The following SLC22A2 variants were observed in gnomAD, a reference collection of about 807,000 sequenced individuals.
SLC22A2 encodes the protein organic cation transporter 2.
SLC22A2 carries 46 observed loss-of-function variants against 60.5 expected under a neutral mutation model. The ratio of observed to expected loss-of-function variants is 0.76; its 90% confidence interval spans 0.60 to 0.97. The LOEUF is 0.97. Ranked by LOEUF, SLC22A2 falls within the 50% of genes least tolerant of loss-of-function variation. The probability of loss-of-function intolerance (pLI) is 0.00; values close to 1 mark genes in which losing one functional copy is unlikely to be tolerated. For missense variants in SLC22A2, 701 were observed against 706.6 expected, an observed-to-expected ratio of 0.99 and a Z score of 0.09; for synonymous variants, 303 against 267.0, an observed-to-expected ratio of 1.13 and a Z score of -1.31.
chr6:160,250,187 A>C (rs1460592201), intron 3 of SLC22A2, among the ~76,000 whole-genome samples: 1 of 152,176 alleles, frequency 6.6e-6, no homozygotes, highest in African/African-American at 2.4e-5. Flanking sequence ...AAAGTATTAA[A>C]GTCCTTTATA....
At chr6:160,244,401 A>G (rs1450479422) in intron 6 of SLC22A2, 2 of 152,352 alleles carry the variant, frequency 1.3e-5, no homozygotes, top group Non-Finnish European at 2.9e-5. Context: ...TATTTAGTAA[A>G]ACTATATCAA....
intron 10 of SLC22A2, among the ~76,000 whole-genome samples, chr6:160,219,093 T>TAGC (rs1562428686): frequency 3.0e-4 from 2 of 6,638 alleles, no homozygotes; most frequent in Non-Finnish European, 3.6e-4. Context: ...TCAGCAACAA[T>TAGC]AACAGCAACA....
intron 9 of SLC22A2, among the ~76,000 whole-genome samples, chr6:160,225,500 C>T (rs1782708885): frequency 6.6e-6 from 1 of 152,004 alleles, no homozygotes; most frequent in South Asian, 2.1e-4. Flanking sequence ...ATTTTTACAC[C>T]CTCAGAAAAT....
intron 7 of SLC22A2, among the ~76,000 whole-genome samples, 162 bp from the exon 8 acceptor site, chr6:160,242,564 C>G (rs552956200): frequency 6.6e-6 from 1 of 152,186 alleles, no homozygotes; most frequent in South Asian, 2.1e-4. Context: ...CAGATTCTCA[C>G]GTTTGTTCAT....
At chr6:160,228,166 C>T (rs561594380) in intron 9 of SLC22A2, among the ~76,000 whole-genome samples, 2 of 152,278 alleles carry the variant, frequency 1.3e-5, no homozygotes, top group East Asian at 3.9e-4. Flanking sequence ...GTGTGAGATC[C>T]AAGAACCCTC....
At chr6:160,218,634 G>A (rs1445387523) in intron 10 of SLC22A2, among the ~76,000 whole-genome samples, 1 of 456 alleles carries the variant, frequency 2.2e-3, no homozygotes, top group Non-Finnish European at 4.8e-3. Flanking sequence ...GTAGCAACAC[G>A]AGCAACAGCA....
At chr6:160,234,605 A>C (rs1241632383) in intron 9 of SLC22A2, among the ~76,000 whole-genome samples, 2 of 152,186 alleles carry the variant, frequency 1.3e-5, no homozygotes, top group African/African-American at 2.4e-5. Context: ...CACATGTTGA[A>C]AAATGTCCTT....
chr6:160,233,706 A>G (rs549996492), intron 9 of SLC22A2, among the ~76,000 whole-genome samples: 1 of 151,884 alleles, frequency 6.6e-6, no homozygotes, highest in African/African-American at 2.4e-5. Flanking sequence ...CAATCATTCT[A>G]TATGACAAAT....
chr6:160,226,220 C>T (rs1583390545), intron 9 of SLC22A2, among the ~76,000 whole-genome samples: 1 of 152,150 alleles, frequency 6.6e-6, no homozygotes, highest in African/African-American at 2.4e-5. Context: ...GCTTTGACTC[C>T]CTATGATTTC....
At chr6:160,228,226 C>T (rs1054193672) in intron 9 of SLC22A2, among the ~76,000 whole-genome samples, 7 of 152,084 alleles carry the variant, frequency 4.6e-5, no homozygotes, top group Non-Finnish European at 7.4e-5. Context: ...TCTGGTGAAC[C>T]CTGAAGGGAG....
At chr6:160,235,981 G>A (rs1281067581) in intron 9 of SLC22A2, among the ~76,000 whole-genome samples, 1 of 152,128 alleles carries the variant, frequency 6.6e-6, no homozygotes, top group African/African-American at 2.4e-5. Flanking sequence ...AGGACTTAGT[G>A]TACATTATCA....
At chr6:160,249,677 A>G (rs1783153033) in intron 3 of SLC22A2, among the ~76,000 whole-genome samples, 1 of 152,252 alleles carries the variant, frequency 6.6e-6, no homozygotes, top group African/African-American at 2.4e-5. Flanking sequence ...AGATACATGC[A>G]AGATTTTGAC....
chr6:160,231,173 T>C (rs1315657290), intron 9 of SLC22A2, among the ~76,000 whole-genome samples: 1 of 151,800 alleles, frequency 6.6e-6, no homozygotes, highest in Non-Finnish European at 1.5e-5. Context: ...CCCTTAAAAT[T>C]CCCCCACTCT....
chr6:160,255,432 T>C (rs986854760), intron 2 of SLC22A2, among the ~76,000 whole-genome samples: 9 of 152,214 alleles, frequency 5.9e-5, no homozygotes, highest in Non-Finnish European at 1.3e-4. Flanking sequence ...GAGAAAATGT[T>C]CTACTTGCAT....
At chr6:160,234,690 T>C (rs1199981382) in intron 9 of SLC22A2, among the ~76,000 whole-genome samples, 2 of 152,148 alleles carry the variant, frequency 1.3e-5, no homozygotes, top group East Asian at 3.9e-4. Flanking sequence ...AATTTGGGGG[T>C]TCATGTCATA....
chr6:160,248,988 C>A (rs758830537), intron 4 of SLC22A2, among the ~76,000 whole-genome samples: 1 of 152,134 alleles, frequency 6.6e-6, no homozygotes, highest in Admixed American at 6.5e-5. Context: ...ATGTAAGATC[C>A]AAGTCATAAA....
chr6:160,231,655 G>A (rs1782825968), intron 9 of SLC22A2, among the ~76,000 whole-genome samples: 1 of 151,694 alleles, frequency 6.6e-6, no homozygotes, highest in Non-Finnish European at 1.5e-5. Flanking sequence ...CAACCAAATT[G>A]TTTTGCCTAT....
intron 9 of SLC22A2, among the ~76,000 whole-genome samples, chr6:160,226,299 G>C (rs1050571871): frequency 1.3e-5 from 2 of 152,070 alleles, no homozygotes; most frequent in Non-Finnish European, 2.9e-5. Flanking sequence ...TAAAAACTTT[G>C]CTCCCCAAAT....
At chr6:160,234,303 C>T (rs970464558) in intron 9 of SLC22A2, among the ~76,000 whole-genome samples, 1 of 152,222 alleles carries the variant, frequency 6.6e-6, no homozygotes, top group Non-Finnish European at 1.5e-5. Flanking sequence ...TTGGTGGGCT[C>T]TTCACACGGA....
Sources: gnomAD v4.1 joint callset for allele counts (sites outside exome capture counted in the v4.1 genomes callset) on GRCh38, gnomAD v4.1.1 for gene constraint, MANE v1.5 for transcripts, NCBI Gene and HGNC (gene_info 2026-07-23, HGNC 2026-07-21) for gene names.